OTULIN: variants seen among roughly 807,000 people sequenced by gnomAD.
OTULIN encodes the protein ubiquitin thioesterase otulin.
In OTULIN, 15 loss-of-function variants were observed where a neutral mutation model predicts 39.6. That is an observed-to-expected ratio of 0.38 (90% CI 0.25 to 0.58). The LOEUF (loss-of-function observed/expected upper bound fraction) is 0.58, where lower values mean the gene tolerates loss of function less well. Ranked by LOEUF, OTULIN falls within the 20% of genes least tolerant of loss-of-function variation. The probability of loss-of-function intolerance (pLI) is 0.66; values close to 1 mark genes in which losing one functional copy is unlikely to be tolerated. For synonymous variants in OTULIN, 156 were observed against 170.3 expected (o/e 0.92, Z 0.65); for missense variants, 319 against 445.9 (o/e 0.72, Z 2.56).
intron 5 of OTULIN, among the ~76,000 whole-genome samples, chr5:14,688,563 G>T (rs144936775): frequency 1.7e-3 from 256 of 152,286 alleles, no homozygotes; most frequent in African/African-American, 5.3e-3. Flanking sequence ...TGAACTGAGG[G>T]CCCTGACTTC....
chr5:14,684,809 G>A (rs888815585), intron 4 of OTULIN, among the ~76,000 whole-genome samples: 1 of 152,196 alleles, frequency 6.6e-6, no homozygotes, highest in African/African-American at 2.4e-5. Context: ...ATCTATGCTC[G>A]GTGAAGAAGA....
chr5:14,673,240 C>A (rs188497962), intron 1 of OTULIN, among the ~76,000 whole-genome samples: 6 of 152,292 alleles, frequency 3.9e-5, no homozygotes, highest in Admixed American at 1.3e-4. Context: ...ATGGGGCCTG[C>A]ATTCCTATAT....
chr5:14,701,082 C>A (rs953483185), downstream of OTULIN, among the ~76,000 whole-genome samples: 6 of 152,216 alleles, frequency 3.9e-5, no homozygotes, highest in Non-Finnish European at 7.3e-5. Context: ...GCCGCCCTTC[C>A]TGGGCTCAGC....
intron 1 of OTULIN, among the ~76,000 whole-genome samples, chr5:14,671,622 C>T (rs1735979597): frequency 6.6e-6 from 1 of 152,072 alleles, no homozygotes; most frequent in Non-Finnish European, 1.5e-5. Context: ...TTGTTTTTAC[C>T]TCTGGCATGG....
intron 5 of OTULIN, chr5:14,687,848 C>T (rs1447351808): frequency 2.1e-6 from 1 of 475,504 alleles, no homozygotes; most frequent in African/African-American, 2.0e-5. Flanking sequence ...ATTCTTAGAG[C>T]AGATGCCATG....
chr5:14,707,743 A>G, the OTULIN span: 1 of 152,200 alleles, frequency 6.6e-6, no homozygotes, highest in Non-Finnish European at 1.5e-5. Flanking sequence ...ATTTGGCCCC[A>G]TCTGATACAT....
chr5:14,702,445 G>A (rs1015582260), downstream of OTULIN, among the ~76,000 whole-genome samples: 4 of 152,200 alleles, frequency 2.6e-5, no homozygotes, highest in Admixed American at 1.3e-4. Flanking sequence ...ACCTGGGCTT[G>A]TGAGGACTGG....
Position 14,692,836 on chromosome 5 carries a change from G to A in OTULIN, c.865-18G>A, listed in dbSNP as rs1423470272. On this transcript the variant is annotated intron_variant, in intron 6 of 6. Coordinates refer to ENST00000284274, the MANE Select transcript of OTULIN (RefSeq NM_138348.6). ...CAGTGTGATCTTCCTCAGAATACCC[G>A]TTTGCTCTTCTTCCCAGGTTGAAAT... 12 of 1,610,674 alleles carry A rather than the reference G, an allele frequency of 7.5e-6. No homozygotes were observed. Among genetic ancestry groups the A allele is most frequent in the South Asian group, 4.4e-5 (4 of 90,952 alleles).
At chr5:14,706,274 A>G in the OTULIN span, 1 of 152,244 alleles carries the variant, frequency 6.6e-6, no homozygotes, top group Non-Finnish European at 1.5e-5. Flanking sequence ...AAGTGCATAT[A>G]TCTTATGCAG....
intron 1 of OTULIN, 113 bp from the exon 2 acceptor site, chr5:14,673,529 A>G (rs2126816629): frequency 1.5e-6 from 1 of 661,926 alleles, no homozygotes; most frequent in East Asian, 3.0e-5. Context: ...CATCATGTAA[A>G]GTGAAAAAAG....
intron 2 of OTULIN, among the ~76,000 whole-genome samples, chr5:14,675,393 G>A (rs996075259): frequency 6.6e-6 from 1 of 152,188 alleles, no homozygotes; most frequent in Non-Finnish European, 1.5e-5. Flanking sequence ...CAAGCAATTG[G>A]TGAACTCTTC....
intron 1 of OTULIN, among the ~76,000 whole-genome samples, chr5:14,669,336 G>A (rs1035648972): frequency 2.0e-5 from 3 of 151,972 alleles, no homozygotes; most frequent in Non-Finnish European, 2.9e-5. Flanking sequence ...TTGCACTCCA[G>A]CCTATGCAAT....
At chr5:14,676,858 C>T (rs886067692) in intron 2 of OTULIN, among the ~76,000 whole-genome samples, 1 of 152,108 alleles carries the variant, frequency 6.6e-6, no homozygotes, top group Non-Finnish European at 1.5e-5. Flanking sequence ...CTTCCATCCA[C>T]TAAGTAGACA....
Position 14,678,785 on chromosome 5 carries a change from A to G in OTULIN, c.324+10A>G. ...AACGTGTATGAAAATGGTATGACAC[A>G]GAGGTGCACATATTTCAGGTCTTTC... On this transcript the variant is annotated intron_variant, in intron 3 of 6. Transcript: ENST00000284274. The G allele has an allele frequency of 1.9e-6, 3 of 1,556,554 alleles. No individual in the cohort carries two copies. The highest frequency in any genetic ancestry group is 4.5e-5 in the East Asian group (2 of 44,324).
chr5:14,685,294 T>A (rs1736359074), intron 4 of OTULIN, among the ~76,000 whole-genome samples: 1 of 152,188 alleles, frequency 6.6e-6, no homozygotes, highest in Non-Finnish European at 1.5e-5. Flanking sequence ...ACAGGCTGTT[T>A]TATAGTTTAG....
chr5:14,692,679 CT>C (rs33978265), intron 6 of OTULIN, among the ~76,000 whole-genome samples, 174 bp from the exon 7 acceptor site: 42 of 143,190 alleles, frequency 2.9e-4, no homozygotes, highest in Middle Eastern at 3.6e-3. Flanking sequence ...TGATTATCTG[CT>C]TTTTTTTTTT....
intron 4 of OTULIN, among the ~76,000 whole-genome samples, chr5:14,684,982 A>G (rs764081111): frequency 6.6e-6 from 1 of 152,062 alleles, no homozygotes; most frequent in Non-Finnish European, 1.5e-5. Flanking sequence ...TTCTGCCCAG[A>G]TCCCAGTCTC....
At position 14,698,281 on chromosome 5, in the gene OTULIN, T is replaced by C. The variant is rs1736723053; in HGVS notation, c.*5233T>C. 6.6e-6 allele frequency: 1 copy of C among 152,262 alleles called. No individual in the cohort carries two copies. The highest frequency in any genetic ancestry group is 2.4e-5 in the African/African-American group (1 of 41,466). 9.4% of individuals were successfully genotyped at this position (152,262 alleles called of 1,614,324 possible). On this transcript the variant is annotated 3_prime_UTR_variant, in exon 7 of 7. Transcript: ENST00000284274. Reference sequence around the variant, plus strand: ...GAGGCTGGTGGAGCAGCACACTGTGTGAACCTGGCAGCGCTCATCTTGGCT... The same window carrying C: ...GAGGCTGGTGGAGCAGCACACTGTGCGAACCTGGCAGCGCTCATCTTGGCT...
the OTULIN span, among the ~76,000 whole-genome samples, chr5:14,713,191 C>T: frequency 6.6e-6 from 1 of 152,160 alleles, no homozygotes; most frequent in Non-Finnish European, 1.5e-5. The surrounding 1 kb of genome is among the most constrained non-coding windows in gnomAD (Gnocchi z 4.4). Flanking sequence ...CACATGGATC[C>T]CACAGCCCTT....
Sources: allele counts gnomAD v4.1 joint callset (sites outside exome capture counted in the v4.1 genomes callset), GRCh38; gene constraint gnomAD v4.1.1; non-coding constraint Gnocchi (gnomAD v3.1); transcripts MANE v1.5; gene names NCBI Gene and HGNC (gene_info 2026-07-23, HGNC 2026-07-21).